Variants in SGCZ observed in about 807,000 individuals in gnomAD.
SGCZ encodes the protein sarcoglycan zeta, also known as zeta-sarcoglycan.
SGCZ carries 40 observed loss-of-function variants against 41.3 expected under a neutral mutation model. The ratio of observed to expected loss-of-function variants is 0.97; its 90% CI spans 0.75 to 1.26. SGCZ has a LOEUF of 1.26. Among genes scored for constraint, SGCZ ranks in the 50% most tolerant of loss-of-function variants. SGCZ has a pLI of 0.00. For missense variants in SGCZ, 552 were observed against 369.8 expected, an observed-to-expected ratio of 1.49 and a Z score of -4.04; for synonymous variants, 206 against 137.5, an observed-to-expected ratio of 1.50 and a Z score of -3.49.
intron 1 of SGCZ, among the ~76,000 whole-genome samples, chr8:14,827,818 A>G (rs1802387256): frequency 6.6e-6 from 1 of 152,186 alleles, no homozygotes; most frequent in Admixed American, 6.6e-5. Flanking sequence ...ACACACGGAT[A>G]CACATATACA....
At chr8:14,383,366 T>G (rs1461907560) in intron 2 of SGCZ, among the ~76,000 whole-genome samples, 6 of 152,232 alleles carry the variant, frequency 3.9e-5, no homozygotes, top group Non-Finnish European at 1.5e-5. Flanking sequence ...ACGAAGTTTA[T>G]AATTATGGGA....
intron 1 of SGCZ, among the ~76,000 whole-genome samples, chr8:15,090,542 C>T (rs971616017): frequency 1.6e-4 from 25 of 152,278 alleles, no homozygotes; most frequent in African/African-American, 4.6e-4. Context: ...CTTCTAGAAA[C>T]GCAATTCAAA....
chr8:14,151,648 T>C (rs1803713141), intron 5 of SGCZ, among the ~76,000 whole-genome samples: 2 of 151,946 alleles, frequency 1.3e-5, no homozygotes, highest in African/African-American at 4.8e-5. Context: ...AGCCCAAGAA[T>C]AACAATAATA....
At chr8:14,819,209 C>G (rs1009979483) in intron 1 of SGCZ, among the ~76,000 whole-genome samples, 1 of 151,786 alleles carries the variant, frequency 6.6e-6, no homozygotes, top group Non-Finnish European at 1.5e-5. Flanking sequence ...TAAGGGAACT[C>G]CCATTAGACT....
chr8:15,169,257 G>T (rs1319507369), intron 1 of SGCZ, among the ~76,000 whole-genome samples: 1 of 152,146 alleles, frequency 6.6e-6, no homozygotes, highest in Non-Finnish European at 1.5e-5. Context: ...TTCTTTAAAG[G>T]GGGAAATGAG....
intron 2 of SGCZ, among the ~76,000 whole-genome samples, chr8:14,408,950 A>T (rs73664353): frequency 0.16 from 19,907 of 126,316 alleles, 2,905 homozygotes; most frequent in African/African-American, 0.37. Flanking sequence ...TTAAATTAAG[A>T]GAGTGTGTGT....
intron 1 of SGCZ, among the ~76,000 whole-genome samples, chr8:14,666,879 T>A (rs1156850484): frequency 6.6e-6 from 1 of 152,030 alleles, no homozygotes; most frequent in East Asian, 1.9e-4. Context: ...TATTTTAACG[T>A]CCATTAGGTA....
chr8:14,913,373 G>A (rs1799333646), intron 1 of SGCZ, among the ~76,000 whole-genome samples: 1 of 151,988 alleles, frequency 6.6e-6, no homozygotes, highest in East Asian at 1.9e-4. Context: ...TATGGTCTTA[G>A]AGAGTCAAGT....
At chr8:14,710,163 G>A (rs1003257447) in intron 1 of SGCZ, among the ~76,000 whole-genome samples, 10 of 151,816 alleles carry the variant, frequency 6.6e-5, no homozygotes, top group Admixed American at 5.9e-4. Context: ...TCAGGAGATC[G>A]AGACCATCCT....
At chr8:14,375,191 T>C (rs1356023434) in intron 2 of SGCZ, among the ~76,000 whole-genome samples, 5 of 152,126 alleles carry the variant, frequency 3.3e-5, no homozygotes, top group Non-Finnish European at 5.9e-5. Flanking sequence ...ATGAAAAAAG[T>C]ATGATATTTA....
intron 1 of SGCZ, among the ~76,000 whole-genome samples, chr8:14,794,451 G>A (rs1227898538): frequency 2.6e-5 from 4 of 152,048 alleles, no homozygotes; most frequent in African/African-American, 7.2e-5. Context: ...GAATTCGACA[G>A]AATGAATGAA....
chr8:14,539,532 T>C (rs562125933), intron 2 of SGCZ, among the ~76,000 whole-genome samples: 9 of 151,976 alleles, frequency 5.9e-5, no homozygotes, highest in African/African-American at 1.7e-4. Flanking sequence ...TGTTCGTTTT[T>C]CATTTTTTGC....
intron 4 of SGCZ, among the ~76,000 whole-genome samples, chr8:14,230,135 G>T (rs7830259): frequency 1.3e-5 from 2 of 152,164 alleles, no homozygotes; most frequent in East Asian, 3.9e-4. Context: ...GAATATTGAG[G>T]AACGTAAGGA....
chr8:14,112,975 G>T (rs1250312758), intron 5 of SGCZ, among the ~76,000 whole-genome samples: 3 of 152,024 alleles, frequency 2.0e-5, no homozygotes, highest in African/African-American at 7.2e-5. Flanking sequence ...GGATTGCTTT[G>T]AATACTGAAA....
chr8:14,322,033 T>A (rs10112545), intron 3 of SGCZ, among the ~76,000 whole-genome samples: 1,718 of 152,268 alleles, frequency 0.011, 31 homozygotes, highest in African/African-American at 0.039. Context: ...GAGAGGTGCT[T>A]ATAAAATACA....
At chr8:14,371,670 TCA>T (rs1282054015) in intron 2 of SGCZ, among the ~76,000 whole-genome samples, 1 of 152,048 alleles carries the variant, frequency 6.6e-6, no homozygotes, top group Non-Finnish European at 1.5e-5. Flanking sequence ...CAAAAATCAA[TCA>T]GTTAACCAGC....
intron 1 of SGCZ, among the ~76,000 whole-genome samples, chr8:14,559,054 C>G (rs947988228): frequency 1.8e-4 from 27 of 152,080 alleles, no homozygotes; most frequent in African/African-American, 6.3e-4. Context: ...AAAGCATTCT[C>G]TCTGAGAACT....
chr8:15,121,714 G>A (rs1807483868), intron 1 of SGCZ, among the ~76,000 whole-genome samples: 1 of 152,118 alleles, frequency 6.6e-6, no homozygotes, highest in Admixed American at 6.5e-5. Context: ...TTTGGGTCCT[G>A]AACCACAGGA....
At chr8:14,393,452 C>T (rs1035065221) in intron 2 of SGCZ, among the ~76,000 whole-genome samples, 5 of 152,140 alleles carry the variant, frequency 3.3e-5, no homozygotes, top group Non-Finnish European at 7.4e-5. Flanking sequence ...ACTGGAAAGC[C>T]AATTTACATA....
Sources: allele counts gnomAD v4.1 joint callset (sites outside exome capture counted in the v4.1 genomes callset), GRCh38; gene constraint gnomAD v4.1.1; transcripts MANE v1.5; gene names NCBI Gene and HGNC (gene_info 2026-07-23, HGNC 2026-07-21).